The following NF1 variants were observed in gnomAD, a reference collection of about 807,000 sequenced individuals.
The protein encoded by NF1 is neurofibromin.
In NF1, 122 loss-of-function variants were observed where a neutral mutation model predicts 325.7. The observed-to-expected ratio is 0.37, with a 90% CI of 0.32 to 0.44. The LOEUF (loss-of-function observed/expected upper bound fraction) is 0.44. Ranked by LOEUF, NF1 falls within the 20% of genes least tolerant of loss-of-function variation. The probability of loss-of-function intolerance (pLI) is 1.00; values close to 1 mark genes in which losing one functional copy is unlikely to be tolerated. For missense variants in NF1, 2,140 were observed against 3,415.4 expected (o/e 0.63, Z 9.31); for synonymous variants, 1,091 against 1,186.0 (o/e 0.92, Z 1.65).
chr17:31,330,803 A>G (rs780816756), intron 39 of NF1: 1 of 280,464 alleles, frequency 3.6e-6, no homozygotes, highest in Non-Finnish European at 6.7e-6. Flanking sequence ...TAGCTTCAGC[A>G]TTTCTCTTCA....
rs777848844 is a variant in NF1, at chr17:31,358,490, T to C, written c.7981T>C (p.Leu2661=). Residue 2661 remains leucine (L), a synonymous_variant, in exon 55 of 58, where the codon TTG becomes CTG. Coordinates refer to ENST00000358273, the MANE Select transcript of NF1 (RefSeq NM_001042492.3). ...PKVFPVVHNL[L]DSKINTLLSL... ...TTTTTTTTCTTTTAGGCATAATTTG[T>C]TGGACTCTAAGATCAACACCCTGTT... 42 of 1,613,778 alleles carry C rather than the reference T, an allele frequency of 2.6e-5. No homozygotes were observed. The highest frequency in any genetic ancestry group is 3.5e-5 in the Non-Finnish European group (41 of 1,179,902).
At chr17:31,231,937 G>A (rs2067118486) in intron 24 of NF1, 136 bp from the exon 25 acceptor site, 4 of 601,576 alleles carry the variant, frequency 6.6e-6, no homozygotes, top group Non-Finnish European at 2.9e-6. Context: ...TTTGGGTTGT[G>A]CTAATAATTT....
intron 29 of NF1, among the ~76,000 whole-genome samples, chr17:31,243,012 G>A (rs2067326862): frequency 1.3e-5 from 2 of 152,164 alleles, no homozygotes; most frequent in Non-Finnish European, 2.9e-5. Context: ...ATCTGCTTTA[G>A]GGGACACTCC....
At chr17:31,200,931 A>G in intron 9 of NF1, 106 bp from the exon 10 acceptor site, 1 of 1,514,710 alleles carries the variant, frequency 6.6e-7, no homozygotes, top group Admixed American at 1.7e-5. Context: ...TGGCAGCTGG[A>G]TTTTACTGCC....
chr17:31,313,895 T>C, intron 36 of NF1: 1 of 395,204 alleles, frequency 2.5e-6, no homozygotes, highest in Non-Finnish European at 4.5e-6. Flanking sequence ...CTATCAGAGT[T>C]TAAGTTTAAA....
intron 36 of NF1, among the ~76,000 whole-genome samples, chr17:31,289,085 A>G (rs1207588533): frequency 2.0e-5 from 3 of 152,314 alleles, no homozygotes; most frequent in Middle Eastern, 3.4e-3. Flanking sequence ...GGTCAAAAAA[A>G]CAAACTTCTA....
Position 31,266,748 on chromosome 17 carries a change from C to T in NF1, c.4835+1409C>T, listed in dbSNP as rs373860141. ...AAAACAAAGCTGCGTTTTTTTTTTTCGGAATCAGAAACTGTTATATTTGTA... is the reference window on the plus strand; with the variant it reads ...AAAACAAAGCTGCGTTTTTTTTTTTTGGAATCAGAAACTGTTATATTTGTA... On this transcript the variant is annotated intron_variant, in intron 36 of 57. Transcript: ENST00000358273. 1.1e-3 allele frequency among the ~76,000 whole-genome samples: 125 copies of T among 116,334 alleles called. 1 individual carries two copies. The highest frequency in any genetic ancestry group is 2.0e-3 in the Non-Finnish European group (101 of 49,638). 76.3% of individuals were successfully genotyped at this position (116,334 alleles called of 152,430 possible).
intron 15 of NF1, 182 bp downstream of exon 15, chr17:31,222,111 C>T (rs2066934781): frequency 7.7e-7 from 1 of 1,298,254 alleles, no homozygotes; most frequent in Non-Finnish European, 9.8e-7. Context: ...AGAAAAGTAT[C>T]ACAGCAATTT....
chr17:31,153,219 T>A (rs1040714019), intron 1 of NF1, among the ~76,000 whole-genome samples: 1 of 152,218 alleles, frequency 6.6e-6, no homozygotes, highest in Non-Finnish European at 1.5e-5. Flanking sequence ...TAAAGCTAAA[T>A]TTAAATAAAC....
intron 2 of NF1, among the ~76,000 whole-genome samples, chr17:31,158,473 A>G (rs768391349): frequency 1.3e-5 from 2 of 152,142 alleles, no homozygotes; most frequent in African/African-American, 4.8e-5. Context: ...ATATTTTAAT[A>G]TTTGGGACCC....
intron 8 of NF1, among the ~76,000 whole-genome samples, chr17:31,186,923 C>A (rs944165099): frequency 5.3e-5 from 8 of 152,214 alleles, no homozygotes; most frequent in Middle Eastern, 6.3e-3. Context: ...GATATGACAT[C>A]ATTCCTCAGG....
At chr17:31,236,216 C>T (rs2067201535) in intron 29 of NF1, among the ~76,000 whole-genome samples, 195 bp downstream of exon 29, 1 of 151,836 alleles carries the variant, frequency 6.6e-6, no homozygotes, top group Non-Finnish European at 1.5e-5. Context: ...CTTTTATTTG[C>T]CTTAGATCCA....
rs1220584516 is a variant in NF1, at chr17:31,230,937, A to G, written c.3197+12A>G. ...AAATGTCTTACAAGGTAAAAAAAGA[A>G]TGACCTTCAAGTATTAGTGGGTTTT... On this transcript the variant is annotated intron_variant, in intron 24 of 57. Transcript: ENST00000358273. The G allele has an allele frequency of 6.3e-7, 1 of 1,599,910 alleles. No homozygotes were observed. Among genetic ancestry groups the G allele is most frequent in the South Asian group, 1.1e-5 (1 of 90,214 alleles).
rs145716706 is a variant in NF1, at chr17:31,214,072, A to G, written c.1393-379A>G. ...TGTATGTCTGGGGAATGTTTGTTAA[A>G]TAAATTACCCAGTGTGTATATTTGT... On this transcript the variant is annotated intron_variant, in intron 12 of 57. Coordinates refer to ENST00000358273, the MANE Select transcript of NF1 (RefSeq NM_001042492.3). 1.1e-4 allele frequency among the ~76,000 whole-genome samples: 16 copies of G among 152,296 alleles called. No homozygotes were observed. The East Asian group carries it at 2.9e-3, about 27-fold the overall frequency.
At chr17:31,313,943 G>C in intron 36 of NF1, 1 of 397,512 alleles carries the variant, frequency 2.5e-6, no homozygotes, top group Non-Finnish European at 4.4e-6. Flanking sequence ...TTTATATAAA[G>C]CAAGATCAAA....
chr17:31,263,668 ATAC>A (rs1343502474), intron 35 of NF1, among the ~76,000 whole-genome samples: 4 of 151,632 alleles, frequency 2.6e-5, no homozygotes, highest in Admixed American at 2.6e-4. Context: ...TATATATAAT[ATAC>A]TTAGCATAGT....
At chr17:31,345,296 A>C (rs1025521007) in intron 48 of NF1, among the ~76,000 whole-genome samples, 3 of 152,168 alleles carry the variant, frequency 2.0e-5, no homozygotes, top group Non-Finnish European at 4.4e-5. Flanking sequence ...CTTTTCTTTT[A>C]ATTAAAAATG....
rs768335039 is a variant in NF1, at chr17:31,195,807, C to T, written c.889-4615C>T. ...GATATATTCCATTGTATATATATACCAACATTTTATTTATCTAAATTCATC... is the reference window on the plus strand; with the variant it reads ...GATATATTCCATTGTATATATATACTAACATTTTATTTATCTAAATTCATC... On this transcript the variant is annotated intron_variant, in intron 8 of 57. Transcript: ENST00000358273. Among the ~76,000 whole-genome samples, 56 of 151,608 alleles carry T rather than the reference C, an allele frequency of 3.7e-4. 1 individual carries two copies. The highest frequency in any genetic ancestry group is 2.4e-4 in the Non-Finnish European group (16 of 67,888).
intron 23 of NF1, 28 bp from the exon 24 acceptor site, chr17:31,230,814 T>C (rs1337936829): frequency 6.6e-7 from 1 of 1,505,044 alleles, no homozygotes; most frequent in South Asian, 1.1e-5. Flanking sequence ...CATTGTTTGC[T>C]GTTTCTCTTT....
Sources: allele counts gnomAD v4.1 joint callset (sites outside exome capture counted in the v4.1 genomes callset), GRCh38; gene constraint gnomAD v4.1.1; transcripts MANE v1.5; gene names NCBI Gene and HGNC (gene_info 2026-07-23, HGNC 2026-07-21).